NF1: variants seen among roughly 807,000 people sequenced by gnomAD.
NF1 encodes neurofibromin 1.
Under a neutral mutation model 325.7 loss-of-function variants are expected in NF1, and 122 were observed. The observed-to-expected ratio is 0.37, with a 90% CI of 0.32 to 0.44. The LOEUF is 0.44. NF1 is among the 20% of genes least tolerant of loss of function. The pLI is 1.00. For missense variants in NF1, 2,140 were observed against 3,415.4 expected, an observed-to-expected ratio of 0.63 and a Z score of 9.31; for synonymous variants, 1,091 against 1,186.0, an observed-to-expected ratio of 0.92 and a Z score of 1.65.
chr17:31,307,158 A>C (rs1420758974), intron 36 of NF1, among the ~76,000 whole-genome samples: 1 of 152,008 alleles, frequency 6.6e-6, no homozygotes, highest in African/African-American at 2.4e-5. Context: ...AGTAGCTGGG[A>C]TTACAGGTAC....
chr17:31,223,304 CTG>C, intron 15 of NF1, 138 bp from the exon 16 acceptor site: 1 of 982,134 alleles, frequency 1.0e-6, no homozygotes, highest in Non-Finnish European at 1.6e-6. Context: ...ACTTTGATAA[CTG>C]TTTCTCTAAA....
At chr17:31,164,303 T>A (rs2065810512) in intron 4 of NF1, among the ~76,000 whole-genome samples, 2 of 152,216 alleles carry the variant, frequency 1.3e-5, no homozygotes, top group Admixed American at 1.3e-4. Context: ...TGACTCAAAA[T>A]CATCCTGAGC....
intron 8 of NF1, among the ~76,000 whole-genome samples, chr17:31,194,864 T>C (rs1159520808): frequency 1.3e-5 from 2 of 152,290 alleles, no homozygotes; most frequent in African/African-American, 2.4e-5. Flanking sequence ...GGTAGCTGCT[T>C]AATAAAACAT....
chr17:31,331,477 AT>A (rs1392494078), intron 39 of NF1: 1 of 152,186 alleles, frequency 6.6e-6, no homozygotes, highest in Non-Finnish European at 1.5e-5. Context: ...CTAAGAAAAT[AT>A]TGAAAGGAAA....
At chr17:31,342,269 C>T (rs960595456) in intron 47 of NF1, among the ~76,000 whole-genome samples, 1 of 151,974 alleles carries the variant, frequency 6.6e-6, no homozygotes, top group Non-Finnish European at 1.5e-5. Context: ...TGGTGGTCAG[C>T]GATATCTAGT....
At chr17:31,150,789 T>C (rs1916879032) in intron 1 of NF1, among the ~76,000 whole-genome samples, 1 of 152,108 alleles carries the variant, frequency 6.6e-6, no homozygotes, top group African/African-American at 2.4e-5. Context: ...CCCAGCACTT[T>C]GGGAGGCCGA....
At chr17:31,345,795 A>C (rs1258277397) in intron 48 of NF1, 4 of 1,613,978 alleles carry the variant, frequency 2.5e-6, no homozygotes, top group Non-Finnish European at 3.4e-6. Flanking sequence ...TTTTCCTAGG[A>C]CATTAGGACA....
Position 31,200,972 on chromosome 17 carries a change from C to T in NF1, c.1063-65C>T, listed in dbSNP as rs528041413. 1.9e-4 allele frequency: 307 copies of T among 1,604,422 alleles called. 2 individuals are homozygous for T. In the South Asian group the frequency reaches 2.6e-3, roughly 14 times the overall value. ...TGTGGGTAATGTGTTGATGTTATTACATGTTAGTAAAGAAATACTGCATGG... is the reference window on the plus strand; with the variant it reads ...TGTGGGTAATGTGTTGATGTTATTATATGTTAGTAAAGAAATACTGCATGG... On this transcript the variant is annotated intron_variant, in intron 9 of 57. Transcript: ENST00000358273.
intron 11 of NF1, among the ~76,000 whole-genome samples, chr17:31,205,048 G>A (rs1445530057): frequency 6.6e-6 from 1 of 152,052 alleles, no homozygotes; most frequent in African/African-American, 2.4e-5. Context: ...CCCAGTTTTG[G>A]GATTCCTCCC....
chr17:31,260,346 C>A (rs768045335), intron 33 of NF1, 23 bp from the exon 34 acceptor site: 1 of 1,612,658 alleles, frequency 6.2e-7, no homozygotes, highest in South Asian at 1.1e-5. Flanking sequence ...GTTGAAAATT[C>A]TAATGACTTT....
At chr17:31,245,420 G>C (rs1175585914) in intron 29 of NF1, among the ~76,000 whole-genome samples, 1 of 152,172 alleles carries the variant, frequency 6.6e-6, no homozygotes. Context: ...CCGTGACACT[G>C]TTTACCTGGA....
At chr17:31,218,546 T>C (rs1433904624) in intron 13 of NF1, among the ~76,000 whole-genome samples, 1 of 151,972 alleles carries the variant, frequency 6.6e-6, no homozygotes, top group African/African-American at 2.4e-5. Flanking sequence ...TAGAACTTTT[T>C]TTTCTTTCTT....
rs543660262 is a variant in NF1 at position 31,374,537 on chromosome 17, T to A, written c.*382T>A. The A allele has an allele frequency of 1.0e-5, 4 of 396,780 alleles. No homozygotes were observed. The South Asian group carries it at 1.1e-4, about 11-fold the overall frequency. The allele number at this position is 396,780 out of a possible 1,614,324, so 24.6% of individuals were successfully genotyped here. ...CACAGAGCTCTGCCTTCTGTGGTTT[T>A]CCCTTCTTCATCCTACAGAGTAAAG... On this transcript the variant is annotated 3_prime_UTR_variant, in exon 58 of 58. Coordinates refer to ENST00000358273, the MANE Select transcript of NF1 (RefSeq NM_001042492.3).
At chr17:31,254,655 C>G (rs2151458170) in intron 31 of NF1, among the ~76,000 whole-genome samples, 1 of 152,072 alleles carries the variant, frequency 6.6e-6, no homozygotes, top group Non-Finnish European at 1.5e-5. Context: ...CTGTGTTTCT[C>G]TAGAGCATGT....
intron 36 of NF1, among the ~76,000 whole-genome samples, chr17:31,284,837 G>C (rs2151488879): frequency 6.6e-6 from 1 of 152,174 alleles, no homozygotes; most frequent in East Asian, 1.9e-4. Flanking sequence ...AAACAATGTG[G>C]AGGCCGGGCG....
Position 31,170,031 on chromosome 17 carries a change from T to C in NF1, c.586+34T>C. The C allele has an allele frequency of 2.2e-6, 3 of 1,394,582 alleles. No homozygotes were observed. In the East Asian group the frequency reaches 6.9e-5, roughly 32 times the overall value. 86.4% of individuals were successfully genotyped at this position (1,394,582 alleles called of 1,614,324 possible). On this transcript the variant is annotated intron_variant, in intron 5 of 57. Coordinates refer to ENST00000358273, the MANE Select transcript of NF1 (RefSeq NM_001042492.3). ...AAATGTATAATATATCTGAAAAAAA[T>C]CACTGGGTCAAAAACTAGTATCATG...
rs1033598684 is a variant in NF1, at chr17:31,287,415, G to A, written c.4835+22076G>A. Among the ~76,000 whole-genome samples, 31 of 152,208 alleles carry A rather than the reference G, an allele frequency of 2.0e-4. 2 individuals carry two copies. Among genetic ancestry groups the A allele is most frequent in the Non-Finnish European group, 1.5e-5 (1 of 68,036 alleles). ...ACACACCGTAGGTGATAAACTTTAT[G>A]TCATGCTCTGCTGTTAAACCACCAA... is the stretch of plus-strand genomic sequence containing the variant. On this transcript the variant is annotated intron_variant, in intron 36 of 57. Transcript: ENST00000358273.
At chr17:31,367,812 G>A (rs1197076803) in intron 57 of NF1, among the ~76,000 whole-genome samples, 1 of 152,022 alleles carries the variant, frequency 6.6e-6, no homozygotes, top group Non-Finnish European at 1.5e-5. Flanking sequence ...AACCAGCCTG[G>A]GTAACGTGGC....
At chr17:31,124,414 A>C (rs937433992) in intron 1 of NF1, among the ~76,000 whole-genome samples, 14 of 151,234 alleles carry the variant, frequency 9.3e-5, no homozygotes, top group Admixed American at 2.0e-4. Flanking sequence ...CTATTTATAC[A>C]TGAGTATTAA....
Sources: gnomAD v4.1 joint callset for allele counts (sites outside exome capture counted in the v4.1 genomes callset) on GRCh38, gnomAD v4.1.1 for gene constraint, MANE v1.5 for transcripts, NCBI Gene and HGNC (gene_info 2026-07-23, HGNC 2026-07-21) for gene names.